Variants in B4GALT1 observed in about 807,000 individuals in gnomAD.
The protein encoded by B4GALT1 is beta-1,4-galactosyltransferase 1.
A neutral mutation model predicts 34.9 loss-of-function variants in B4GALT1; 16 were observed. The ratio of observed to expected loss-of-function variants is 0.46; its 90% CI spans 0.31 to 0.70. B4GALT1 has a LOEUF of 0.70. Ranked by LOEUF, B4GALT1 falls within the 30% of genes least tolerant of loss-of-function variation. The pLI, the probability that B4GALT1 is intolerant of heterozygous loss-of-function variation, is 0.05. For missense variants in B4GALT1, 445 were observed against 530.5 expected (o/e 0.84, Z 1.58); for synonymous variants, 221 against 218.1 (o/e 1.01, Z -0.12).
intron 2 of B4GALT1, among the ~76,000 whole-genome samples, chr9:33,126,742 T>C (rs1424321252): frequency 9.3e-6 from 1 of 108,078 alleles, no homozygotes; most frequent in African/African-American, 3.0e-5. Context: ...GAGATGGGCC[T>C]TCAAGGGTTA....
intron 4 of B4GALT1, among the ~76,000 whole-genome samples, chr9:33,114,724 A>G (rs1409428542): frequency 6.6e-6 from 1 of 152,244 alleles, no homozygotes; most frequent in East Asian, 1.9e-4. Flanking sequence ...AGGACAGCAA[A>G]GTTAGTTAAG....
intron 1 of B4GALT1, among the ~76,000 whole-genome samples, chr9:33,160,111 A>G (rs1281355048): frequency 6.6e-6 from 1 of 152,252 alleles, no homozygotes; most frequent in Non-Finnish European, 1.5e-5. Flanking sequence ...GGAATTTCCA[A>G]TGAGTCTATC....
At chr9:33,141,749 T>C (rs1298412536) in intron 1 of B4GALT1, among the ~76,000 whole-genome samples, 3 of 152,154 alleles carry the variant, frequency 2.0e-5, no homozygotes, top group South Asian at 2.1e-4. Flanking sequence ...TTGGCTGCCA[T>C]GCACGTGGGA....
chr9:33,183,217 A>G, the B4GALT1 span, among the ~76,000 whole-genome samples: 38 of 152,276 alleles, frequency 2.5e-4, no homozygotes, highest in Admixed American at 4.6e-4. Context: ...CATACTGTGT[A>G]TATTGCCTGC....
intron 1 of B4GALT1, 130 bp from the exon 2 acceptor site, chr9:33,135,554 ACGGAGAGGGCCCTCCTG>A: frequency 2.3e-6 from 2 of 888,250 alleles, no homozygotes; most frequent in Non-Finnish European, 3.6e-6. Flanking sequence ...CAACGTGGCC[ACGGAGAGGGCCCTCCTG>A]CCCAGCATCA....
At chr9:33,132,100 A>AG (rs1260530488) in intron 2 of B4GALT1, among the ~76,000 whole-genome samples, 1 of 152,108 alleles carries the variant, frequency 6.6e-6, no homozygotes, top group African/African-American at 2.4e-5. Flanking sequence ...AAGGATGAAG[A>AG]GAAAAAAAAG....
chr9:33,122,997 T>C (rs182822834), intron 2 of B4GALT1, among the ~76,000 whole-genome samples: 19 of 150,940 alleles, frequency 1.3e-4, no homozygotes, highest in African/African-American at 4.4e-4. Context: ...CACAAAAAAT[T>C]GCCGGGCACA....
chr9:33,176,976 T>C, the B4GALT1 span, among the ~76,000 whole-genome samples: 1 of 152,154 alleles, frequency 6.6e-6, no homozygotes, highest in African/African-American at 2.4e-5. Flanking sequence ...TAAGGCCCCA[T>C]TTTACGGGGA....
rs780571650 is a variant in B4GALT1 at position 33,120,464 on chromosome 9, G to A, written c.791C>T (p.Ser264Leu). 2.5e-6 allele frequency: 4 copies of A among 1,613,886 alleles called. No individual in the cohort carries two copies. Among genetic ancestry groups the A allele is most frequent in the Admixed American group, 3.3e-5 (2 of 60,000 alleles). ...MNDHNAYRCF[S>L]QPRHISVAMD... ...TGCAACGGAAATGTGCCGTGGCTGT[G>A]AAAAACACCTGTACGCATTATGGTC... The change falls in exon 3 of 6, where the codon TCA (serine) becomes TTA (leucine). Residue 264 changes from serine to leucine, a missense_variant. Physicochemically the swap from Ser to Leu is moderately radical, Grantham distance 145 (BLOSUM62 -2). Around this residue, in one of 3 missense-constraint regions of B4GALT1, gnomAD observed 349 missense variants for 395.5 expected, o/e 0.88. Transcript: ENST00000379731.
intron 1 of B4GALT1, among the ~76,000 whole-genome samples, chr9:33,161,885 C>G (rs890436777): frequency 6.6e-6 from 1 of 152,188 alleles, no homozygotes; most frequent in Non-Finnish European, 1.5e-5. Context: ...GGGAAATCAG[C>G]AGGTATGACT....
chr9:33,117,332 A>G (rs1433786558), intron 3 of B4GALT1, among the ~76,000 whole-genome samples: 2 of 152,242 alleles, frequency 1.3e-5, no homozygotes, highest in Non-Finnish European at 2.9e-5. Flanking sequence ...ATGTTTTAAC[A>G]TATTTTCAAG....
chr9:33,172,630 G>A, the B4GALT1 span, among the ~76,000 whole-genome samples: 1 of 152,108 alleles, frequency 6.6e-6, no homozygotes, highest in East Asian at 1.9e-4. Flanking sequence ...TATTCCTCAG[G>A]TTCAGGGATG....
chr9:33,115,846 C>T (rs1038800702), intron 4 of B4GALT1, 145 bp downstream of exon 4: 13 of 1,047,238 alleles, frequency 1.2e-5, no homozygotes, highest in Non-Finnish European at 1.9e-5. Flanking sequence ...CCTGCAGGAC[C>T]TGTAGGAAGC....
intron 3 of B4GALT1, among the ~76,000 whole-genome samples, chr9:33,118,839 G>A (rs1839979339): frequency 6.6e-6 from 1 of 152,002 alleles, no homozygotes; most frequent in African/African-American, 2.4e-5. Flanking sequence ...GAAGGAAAGG[G>A]TTTTGTTATT....
At chr9:33,170,262 G>A (rs1465858679), upstream of B4GALT1, among the ~76,000 whole-genome samples, 1 of 152,142 alleles carries the variant, frequency 6.6e-6, no homozygotes, top group Non-Finnish European at 1.5e-5. Flanking sequence ...GAGCCACCGT[G>A]CCCGGCCGAT....
the B4GALT1 span, among the ~76,000 whole-genome samples, chr9:33,183,501 G>A: frequency 2.2e-5 from 3 of 138,744 alleles, no homozygotes; most frequent in African/African-American, 8.1e-5. Context: ...GGATGAAATT[G>A]GAAATCATCA....
chr9:33,126,662 A>ATTGTTAACATTGTTAACTATTGTTCACC, intron 2 of B4GALT1, among the ~76,000 whole-genome samples: 2 of 45,222 alleles, frequency 4.4e-5, no homozygotes, highest in Non-Finnish European at 1.2e-4. Flanking sequence ...TAACCATAGC[A>ATTGTTAACATTGTTAACTATTGTTCACC]ATATGGTAGC....
At chr9:33,129,635 G>A (rs886350650) in intron 2 of B4GALT1, among the ~76,000 whole-genome samples, 2 of 152,132 alleles carry the variant, frequency 1.3e-5, no homozygotes, top group African/African-American at 2.4e-5. Flanking sequence ...CAGACATGAG[G>A]GACTCAGAGT....
At chr9:33,109,406 A>G (rs1024768958), downstream of B4GALT1, among the ~76,000 whole-genome samples, 1 of 152,258 alleles carries the variant, frequency 6.6e-6, no homozygotes, top group African/African-American at 2.4e-5. Context: ...TAATAAGACC[A>G]GTAAATGTTA....
Sources: gnomAD v4.1 joint callset for allele counts (sites outside exome capture counted in the v4.1 genomes callset) on GRCh38, gnomAD v4.1.1 for gene constraint, gnomAD v4.1.1 regional missense constraint, MANE v1.5 for transcripts, NCBI Gene and HGNC (gene_info 2026-07-23, HGNC 2026-07-21) for gene names.